The following RPP40 variants were observed in gnomAD, a reference collection of about 807,000 sequenced individuals.
The protein encoded by RPP40 is ribonuclease P/MRP subunit p40.
RPP40 carries 30 observed loss-of-function variants against 42.5 expected under a neutral mutation model. The ratio of observed to expected loss-of-function variants is 0.71; its 90% CI spans 0.53 to 0.96. RPP40 has a LOEUF of 0.96. RPP40 is among the 40% of genes least tolerant of loss of function. The pLI is 0.00. For missense variants in RPP40, 426 were observed against 433.5 expected, an observed-to-expected ratio of 0.98 and a Z score of 0.15; for synonymous variants, 173 against 164.0, an observed-to-expected ratio of 1.05 and a Z score of -0.42.
At position 5,003,771 on chromosome 6, in the gene RPP40, T is replaced by C. The variant is rs998033313; in HGVS notation, c.123+109A>G. On this transcript the variant is annotated intron_variant, in intron 1 of 7. Coordinates refer to ENST00000380051, the MANE Select transcript of RPP40 (RefSeq NM_006638.4). ...GCAAGCCGGGCGAGGGCCCCGCCCC[T>C]CCGCGTACCGCCGGCGGCCCCGCCC... 5.7e-6 allele frequency: 8 copies of C among 1,394,976 alleles called. No homozygotes were observed. The South Asian group carries it at 1.2e-4, about 20-fold the overall frequency. The allele number at this position is 1,394,976 out of a possible 1,614,324, so 86.4% of individuals were successfully genotyped here.
In RPP40 at chr6:5,003,879, C is replaced by A. The variant is rs770475636; in HGVS notation, c.123+1G>T. On this transcript the variant is annotated splice_donor_variant, in intron 1 of 7. Coordinates refer to ENST00000380051, the MANE Select transcript of RPP40 (RefSeq NM_006638.4). LOFTEE classifies it high-confidence loss of function. Reference sequence around the variant, plus strand: ...GAAAAGCCGAGGACAGCCGGACTCACCCTGTAGTTATAGTAGTGCGTCTGC... The same window carrying A: ...GAAAAGCCGAGGACAGCCGGACTCAACCTGTAGTTATAGTAGTGCGTCTGC... The A allele has an allele frequency of 1.9e-5, 31 of 1,612,070 alleles. No homozygotes were observed. Among genetic ancestry groups the A allele is most frequent in the Middle Eastern group, 1.6e-4 (1 of 6,070 alleles).
At chr6:4,993,563 A>G (rs758546301), downstream of RPP40, among the ~76,000 whole-genome samples, 1 of 152,026 alleles carries the variant, frequency 6.6e-6, no homozygotes, top group Non-Finnish European at 1.5e-5. Context: ...CTATGAACTT[A>G]CATTCCTTGA....
rs1159763542 is a variant in RPP40 at position 5,003,356 on chromosome 6, A to AG, written c.123+523_123+524insC. ...AGCGAAACTCCGTCTAAAAAAAAAAAAAAAAAAAAAAGGAAAATCAGTCGC... is the reference window on the plus strand; with the variant it reads ...AGCGAAACTCCGTCTAAAAAAAAAAAGAAAAAAAAAAAGGAAAATCAGTCGC... On this transcript the variant is annotated intron_variant, in intron 1 of 7. Transcript: ENST00000380051. Among the ~76,000 whole-genome samples the AG allele has an allele frequency of 4.0e-5, 6 of 149,568 alleles. 2 individuals carry two copies. Among genetic ancestry groups the AG allele is most frequent in the African/African-American group, 1.5e-4 (6 of 40,474 alleles).
At chr6:4,995,396 T>G (rs1581317458) in intron 7 of RPP40, 120 bp from the exon 8 acceptor site, 1 of 743,188 alleles carries the variant, frequency 1.3e-6, no homozygotes, top group East Asian at 2.7e-5. Flanking sequence ...AGATCTTAGC[T>G]TTAATTTTTG....
downstream of RPP40, among the ~76,000 whole-genome samples, chr6:4,993,545 AT>A (rs1249247949): frequency 6.6e-6 from 1 of 151,892 alleles, no homozygotes; most frequent in African/African-American, 2.4e-5. Context: ...TACACTTGTG[AT>A]TTTTTTCTAT....
intron 5 of RPP40, 78 bp downstream of exon 5, chr6:4,998,633 CACCAT>C: frequency 1.1e-6 from 1 of 906,902 alleles, no homozygotes; most frequent in South Asian, 1.7e-5. Context: ...AAGAGTGAAT[CACCAT>C]TCAATCCTCC....
At chr6:4,989,140 G>A in the RPP40 span, among the ~76,000 whole-genome samples, 1 of 152,046 alleles carries the variant, frequency 6.6e-6, no homozygotes, top group African/African-American at 2.4e-5. Flanking sequence ...TCATTTATTT[G>A]CAGTTTAAGT....
rs1464436537 is a variant in RPP40, at chr6:4,998,804, C to T, written c.471G>A (p.Leu157=). The T allele has an allele frequency of 6.7e-7, 1 of 1,485,890 alleles. No homozygotes were observed. The highest frequency in any genetic ancestry group is 2.3e-5 in the East Asian group (1 of 43,416). 92.0% of individuals were successfully genotyped at this position (1,485,890 alleles called of 1,614,324 possible). A position where few individuals can be genotyped will look rare whatever the true frequency, so the allele number is the denominator to read the frequency against. Residue 157 remains leucine (L), a synonymous_variant, in exon 5 of 8, where the codon TTG becomes TTA. Transcript: ENST00000380051. ...SIDLMELSLN[L]DSKKYERISW... The stretch of plus-strand genomic sequence containing the variant: ...ATATTCTTTCATACTTCTTAGAATC[C>T]AAGTTTAAGGATAATTCCATCAAAT...
Position 4,995,163 on chromosome 6 carries a change from T to C in RPP40, c.1007A>G (p.Glu336Gly), listed in dbSNP as rs1283175224. Residue 336 changes from glutamate (E) to glycine (G), a missense_variant, in exon 8 of 8, where the codon GAA (glutamate) becomes GGA (glycine). Glu to Gly is a moderately conservative substitution (Grantham distance 98). Coordinates refer to ENST00000380051, the MANE Select transcript of RPP40 (RefSeq NM_006638.4). ...AAAAATCACAAAGTTATATAAATGT[T>C]CTCCTCCTTTTCGAAAACCATGTTC... ...KNEHGFRKGG[E>G]HLYNFVIFNN... is the part of the protein sequence containing the mutation. The C allele has an allele frequency of 1.2e-6, 2 of 1,614,092 alleles. No homozygotes were observed. The highest frequency in any genetic ancestry group is 1.7e-6 in the Non-Finnish European group (2 of 1,179,948).
rs1759339235 is a variant in RPP40, at chr6:4,995,287, G to T, written c.894-11C>A. On this transcript the variant is annotated splice_polypyrimidine_tract_variant and intron_variant, in intron 7 of 7. Transcript: ENST00000380051. ...TCATCAAAGTAGTGACTGAAAAAAA[G>T]GTAGTTGTTAAACAGAGTTTTAAAA... The T allele has an allele frequency of 1.3e-6, 2 of 1,599,312 alleles. No individual in the cohort carries two copies. The highest frequency in any genetic ancestry group is 2.2e-5 in the East Asian group (1 of 44,718).
downstream of RPP40, among the ~76,000 whole-genome samples, chr6:4,994,496 C>T (rs1430937602): frequency 6.6e-6 from 1 of 152,198 alleles, no homozygotes; most frequent in Non-Finnish European, 1.5e-5. Context: ...TCAACCTGTT[C>T]TGTAACGATT....
downstream of RPP40, among the ~76,000 whole-genome samples, chr6:4,989,975 G>C (rs1054952129): frequency 1.3e-5 from 2 of 152,220 alleles, no homozygotes; most frequent in Non-Finnish European, 2.9e-5. Flanking sequence ...ATGTTGAACA[G>C]AGGCGGTAAA....
intron 5 of RPP40, among the ~76,000 whole-genome samples, chr6:4,997,974 C>G (rs1759432266): frequency 6.6e-6 from 1 of 152,168 alleles, no homozygotes; most frequent in African/African-American, 2.4e-5. Context: ...CCTTTCTGCC[C>G]TCTTTTCTAT....
At chr6:4,998,647 C>T in intron 5 of RPP40, 69 bp downstream of exon 5, 1 of 1,062,734 alleles carries the variant, frequency 9.4e-7, no homozygotes, top group South Asian at 1.5e-5. Flanking sequence ...ATTCAATCCT[C>T]CATTACTCCT....
At chr6:5,000,068 G>A (rs1759503861) in intron 3 of RPP40, among the ~76,000 whole-genome samples, 164 bp from the exon 4 acceptor site, 1 of 152,080 alleles carries the variant, frequency 6.6e-6, no homozygotes, top group Admixed American at 6.5e-5. Flanking sequence ...TACATGTCTT[G>A]TAACAGATAT....
chr6:4,990,200 C>T (rs143142625), downstream of RPP40, among the ~76,000 whole-genome samples: 259 of 152,120 alleles, frequency 1.7e-3, 4 homozygotes, highest in Middle Eastern at 0.031. Context: ...TCTTTTTTAG[C>T]TTGTTTATAC....
chr6:5,003,694 C>A (rs73359952), intron 1 of RPP40, 186 bp downstream of exon 1: 21,554 of 682,084 alleles, frequency 0.032, 530 homozygotes, highest in South Asian at 0.089. Flanking sequence ...AGTTGTAGTC[C>A]TGTAGCCCTG....
intron 2 of RPP40, chr6:5,001,887 C>G (rs1019116344): frequency 2.1e-6 from 1 of 487,018 alleles, no homozygotes; most frequent in Non-Finnish European, 3.6e-6. Flanking sequence ...CATCCCCATC[C>G]AACACTTGTG....
rs1020118741 is a variant in RPP40 at position 4,994,865 on chromosome 6, T to C, written c.*213A>G. The C allele has an allele frequency of 1.8e-6, 1 of 568,340 alleles. No homozygotes were observed. Among genetic ancestry groups the C allele is most frequent in the African/African-American group, 1.9e-5 (1 of 53,634 alleles). 35.2% of individuals were successfully genotyped at this position (568,340 alleles called of 1,614,324 possible). On this transcript the variant is annotated 3_prime_UTR_variant, in exon 8 of 8. Coordinates refer to ENST00000380051, the MANE Select transcript of RPP40 (RefSeq NM_006638.4). Reference sequence around the variant, plus strand: ...AGTAACCCACAACCCTGTGCTTATGTTGACAGAGAGAAATCAACTATGAGC... The same window carrying C: ...AGTAACCCACAACCCTGTGCTTATGCTGACAGAGAGAAATCAACTATGAGC...
Sources: gnomAD v4.1 joint callset for allele counts (sites outside exome capture counted in the v4.1 genomes callset) on GRCh38, gnomAD v4.1.1 for gene constraint, MANE v1.5 for transcripts, NCBI Gene and HGNC (gene_info 2026-07-23, HGNC 2026-07-21) for gene names.